Variants in CAMSAP2 observed in about 807,000 individuals in gnomAD.
The protein encoded by CAMSAP2 is calmodulin-regulated spectrin-associated protein 2.
CAMSAP2 carries 26 observed loss-of-function variants against 146.1 expected under a neutral mutation model. That is an observed-to-expected ratio of 0.18 (90% CI 0.13 to 0.25). The LOEUF (loss-of-function observed/expected upper bound fraction) is 0.25, where lower values mean the gene tolerates loss of function less well. Ranked by LOEUF, CAMSAP2 falls within the 10% of genes least tolerant of loss-of-function variation. CAMSAP2 has a pLI of 1.00. For missense variants in CAMSAP2, 1,381 were observed against 1,759.3 expected, an observed-to-expected ratio of 0.78 and a Z score of 3.85; for synonymous variants, 499 against 596.6, an observed-to-expected ratio of 0.84 and a Z score of 2.38.
chr1:200,754,058 G>A (rs1170492262), intron 1 of CAMSAP2, among the ~76,000 whole-genome samples: 6 of 152,222 alleles, frequency 3.9e-5, no homozygotes, highest in Non-Finnish European at 5.9e-5. Flanking sequence ...TGCCAGGAAG[G>A]CAGGGGAGGC....
rs1666527643 is a variant in CAMSAP2, at chr1:200,816,793, C to CACACACGCGTGTATATATGTGTGT, written c.645+1155_645+1156insGCGTGTATATATGTGTGTACACAC. Among the ~76,000 whole-genome samples the CACACACGCGTGTATATATGTGTGT allele has an allele frequency of 3.9e-5, 2 of 51,730 alleles. 1 individual carries two copies. The highest frequency in any genetic ancestry group is 2.9e-4 in the African/African-American group (2 of 6,792). The allele number at this position is 51,730 out of a possible 152,430, so 33.9% of individuals were successfully genotyped here. A position where few individuals can be genotyped will look rare whatever the true frequency, so the allele number is the denominator to read the frequency against. On this transcript the variant is annotated intron_variant, in intron 4 of 16. Coordinates refer to ENST00000358823, the MANE Select transcript of CAMSAP2 (RefSeq NM_203459.4). The stretch of plus-strand genomic sequence containing the variant: ...ACACACGCGTGTATATATGTGTGTA[C>CACACACGCGTGTATATATGTGTGT]ACACACACGCGTGTATATATGTGTG...
At chr1:200,768,132 C>T (rs1665008249) in intron 2 of CAMSAP2, among the ~76,000 whole-genome samples, 1 of 152,224 alleles carries the variant, frequency 6.6e-6, no homozygotes, top group Non-Finnish European at 1.5e-5. Flanking sequence ...TTCAGTGTCT[C>T]ACTTTCTAGC....
At chr1:200,801,165 G>C (rs1571769493) in intron 2 of CAMSAP2, among the ~76,000 whole-genome samples, 1 of 151,984 alleles carries the variant, frequency 6.6e-6, no homozygotes, top group Non-Finnish European at 1.5e-5. Context: ...TTGGGAGGCT[G>C]AGGCAGGAGA....
chr1:200,744,714 A>G (rs953167547), intron 1 of CAMSAP2, among the ~76,000 whole-genome samples: 1 of 152,012 alleles, frequency 6.6e-6, no homozygotes. Context: ...GTGAAGGAAG[A>G]CCTCTCTAGT....
chr1:200,784,912 C>A lies in CAMSAP2; in HGVS notation c.400-22464C>A, dbSNP rs573634278. ...TGTTCTTTTTCGGGTTAAGGGAGTG[C>A]CTTTCTGTTCCACGTTTGCTAAGAA... On this transcript the variant is annotated intron_variant, in intron 2 of 16. Transcript: ENST00000358823. Among the ~76,000 whole-genome samples, 8 of 152,238 alleles carry A rather than the reference C, an allele frequency of 5.3e-5. No homozygotes were observed. The South Asian group carries it at 1.7e-3, about 32-fold the overall frequency.
Position 200,832,660 on chromosome 1 carries a change from A to G in CAMSAP2, c.788-46A>G. The G allele has an allele frequency of 6.8e-7, 1 of 1,462,418 alleles. No individual in the cohort carries two copies. The highest frequency in any genetic ancestry group is 9.2e-7 in the Non-Finnish European group (1 of 1,084,010). The allele number at this position is 1,462,418 out of a possible 1,614,324, so 90.6% of individuals were successfully genotyped here. Reference sequence around the variant, plus strand: ...ACAAGATGGATATGAAATATTTATTATCAAATTAATCCAAAGTCACCACCT... The same window carrying G: ...ACAAGATGGATATGAAATATTTATTGTCAAATTAATCCAAAGTCACCACCT... On this transcript the variant is annotated intron_variant, in intron 5 of 16. Transcript: ENST00000358823. The surrounding 1 kb of genome is among the most constrained non-coding windows in gnomAD (Gnocchi z 4.2).
At chr1:200,814,627 AAAAAAAAC>A (rs1306034465) in intron 3 of CAMSAP2, among the ~76,000 whole-genome samples, 8 of 143,954 alleles carry the variant, frequency 5.6e-5, no homozygotes, top group African/African-American at 2.6e-5. Flanking sequence ...AAAAAAAAAA[AAAAAAAAC>A]AAGAAGAAGA....
Position 200,854,813 on chromosome 1 carries a change from T to C in CAMSAP2, c.3824-4T>C. ...AGGATCATGAATTTATCGTGTTTTT[T>C]CAGTCTCTAGCCTTTCTTTGGCATC... On this transcript the variant is annotated splice_polypyrimidine_tract_variant and splice_region_variant and intron_variant, in intron 13 of 16. Transcript: ENST00000358823. 6.2e-7 allele frequency: 1 copy of C among 1,605,166 alleles called. No individual in the cohort carries two copies. The highest frequency in any genetic ancestry group is 8.5e-7 in the Non-Finnish European group (1 of 1,176,692).
chr1:200,803,236 G>C lies in CAMSAP2; in HGVS notation c.400-4140G>C, dbSNP rs527707485. Among the ~76,000 whole-genome samples the C allele has an allele frequency of 4.6e-5, 7 of 152,332 alleles. No homozygotes were observed. The South Asian group carries it at 1.5e-3, about 32-fold the overall frequency. On this transcript the variant is annotated intron_variant, in intron 2 of 16. Transcript: ENST00000358823. Reference sequence around the variant, plus strand: ...ATCCCTACATCACTGCCTCCTTGCTGTGTAACCTTGGACAGGTTATACAGT... The same window carrying C: ...ATCCCTACATCACTGCCTCCTTGCTCTGTAACCTTGGACAGGTTATACAGT...
chr1:200,808,507 A>G (rs1482039090), intron 3 of CAMSAP2, among the ~76,000 whole-genome samples: 1 of 152,222 alleles, frequency 6.6e-6, no homozygotes, highest in Non-Finnish European at 1.5e-5. Flanking sequence ...AAAAAACACT[A>G]TTACAGCTAT....
At chr1:200,757,141 A>G (rs1664675957) in intron 1 of CAMSAP2, among the ~76,000 whole-genome samples, 1 of 152,194 alleles carries the variant, frequency 6.6e-6, no homozygotes. Flanking sequence ...ACTATTTTTT[A>G]GATTTGGAAA....
intron 2 of CAMSAP2, among the ~76,000 whole-genome samples, chr1:200,769,008 G>A (rs546423481): frequency 6.6e-6 from 1 of 152,226 alleles, no homozygotes; most frequent in Admixed American, 6.5e-5. Flanking sequence ...CAAGAATTGG[G>A]AGATTAGGAA....
intron 1 of CAMSAP2, among the ~76,000 whole-genome samples, chr1:200,754,684 G>A (rs1195510807): frequency 1.4e-5 from 2 of 143,444 alleles, no homozygotes; most frequent in African/African-American, 5.2e-5. Context: ...CCGGGTTCAT[G>A]CCATTCTCCT....
chr1:200,822,095 A>G (rs1379922116), intron 4 of CAMSAP2, among the ~76,000 whole-genome samples: 2 of 151,394 alleles, frequency 1.3e-5, no homozygotes, highest in African/African-American at 4.9e-5. Context: ...CAAACTGAAA[A>G]TTTCCTTTAT....
intron 1 of CAMSAP2, among the ~76,000 whole-genome samples, chr1:200,755,361 A>G (rs1000281033): frequency 2.2e-4 from 33 of 152,222 alleles, no homozygotes; most frequent in African/African-American, 7.7e-4. Context: ...TCCCATTTCA[A>G]CCAGCACCAC....
chr1:200,771,582 T>C (rs959768307), intron 2 of CAMSAP2, among the ~76,000 whole-genome samples: 2 of 152,118 alleles, frequency 1.3e-5, no homozygotes, highest in African/African-American at 2.4e-5. Context: ...TTTAGACAAA[T>C]TGGGGAGGTG....
In CAMSAP2 at chr1:200,739,848, C is replaced by G. The variant is rs1457012530; in HGVS notation, c.21C>G (p.Pro7=). 1 of 1,613,954 alleles carries G rather than the reference C, an allele frequency of 6.2e-7. No homozygotes were observed. The change falls in exon 1 of 17, where the codon CCC becomes CCG. Residue 7 remains proline, a synonymous_variant. Coordinates refer to ENST00000358823, the MANE Select transcript of CAMSAP2 (RefSeq NM_203459.4). The surrounding 1 kb of genome is among the most constrained non-coding windows in gnomAD (Gnocchi z 4.8). MGDAAD[P]REMRKTFIVP... ...GAAAGATGGGGGATGCTGCAGACCC[C>G]AGGGAGATGAGAAAGACGTTCATTG...
Position 200,858,094 on chromosome 1 carries a change from TA to T in CAMSAP2, c.*38del, listed in dbSNP as rs781189576. On this transcript the variant is annotated 3_prime_UTR_variant, in exon 17 of 17. Coordinates refer to ENST00000358823, the MANE Select transcript of CAMSAP2 (RefSeq NM_203459.4). ...AATACTTGCTTCAGAACATTCATGG[TA>T]AATTTGCACTTCATCTTTCCTGCCT... The T allele has an allele frequency of 2.7e-6, 4 of 1,503,498 alleles. No homozygotes were observed. Among genetic ancestry groups the T allele is most frequent in the Non-Finnish European group, 3.6e-6 (4 of 1,124,004 alleles). The allele number at this position is 1,503,498 out of a possible 1,614,324, so 93.1% of individuals were successfully genotyped here. A position where few individuals can be genotyped will look rare whatever the true frequency, so the allele number is the denominator to read the frequency against.
chr1:200,806,781 CT>C, intron 2 of CAMSAP2, among the ~76,000 whole-genome samples: 1 of 149,156 alleles, frequency 6.7e-6, no homozygotes, highest in South Asian at 2.1e-4. Context: ...ATCTATCTAT[CT>C]ATCTATCTAT....
Sources: gnomAD v4.1 joint callset for allele counts (sites outside exome capture counted in the v4.1 genomes callset) on GRCh38, gnomAD v4.1.1 for gene constraint, Gnocchi (gnomAD v3.1) non-coding constraint, MANE v1.5 for transcripts, NCBI Gene and HGNC (gene_info 2026-07-23, HGNC 2026-07-21) for gene names.